Variants in PTPRO observed in about 807,000 individuals in gnomAD.
PTPRO encodes receptor-type tyrosine-protein phosphatase O.
PTPRO carries 62 observed loss-of-function variants against 145.2 expected under a neutral mutation model. The ratio of observed to expected loss-of-function variants is 0.43; its 90% CI spans 0.35 to 0.53. The LOEUF (loss-of-function observed/expected upper bound fraction) is 0.53, where lower values mean the gene tolerates loss of function less well. Among genes scored for constraint, PTPRO ranks in the 20% least tolerant of loss-of-function variants. The probability of loss-of-function intolerance (pLI) is 0.01; values close to 1 mark genes in which losing one functional copy is unlikely to be tolerated. For synonymous variants in PTPRO, 565 were observed against 514.7 expected (o/e 1.10, Z -1.32); for missense variants, 1,345 against 1,482.7 (o/e 0.91, Z 1.53).
chr12:15,546,756 T>A (rs1315449100), intron 13 of PTPRO, 48 bp downstream of exon 13: 1 of 1,605,234 alleles, frequency 6.2e-7, no homozygotes, highest in South Asian at 1.1e-5. Flanking sequence ...TAAGTAAGGC[T>A]AATTATCTGG....
chr12:15,441,993 A>G (rs1258422286), intron 1 of PTPRO, among the ~76,000 whole-genome samples: 1 of 152,174 alleles, frequency 6.6e-6, no homozygotes, highest in Non-Finnish European at 1.5e-5. Context: ...CTTCTAACAC[A>G]TTCTACAAAG....
At chr12:15,460,511 T>C (rs552274004) in intron 1 of PTPRO, among the ~76,000 whole-genome samples, 1 of 152,342 alleles carries the variant, frequency 6.6e-6, no homozygotes, top group African/African-American at 2.4e-5. Flanking sequence ...AAGAGAGTCT[T>C]CATTGCCTGT....
chr12:15,472,519 T>G (rs565372258), intron 1 of PTPRO, among the ~76,000 whole-genome samples: 10 of 152,286 alleles, frequency 6.6e-5, no homozygotes, highest in Non-Finnish European at 1.2e-4. Context: ...CTCTTCCCGC[T>G]TAACAAGTGC....
At chr12:15,435,808 ACTC>A (rs1940579965) in intron 1 of PTPRO, among the ~76,000 whole-genome samples, 1 of 151,986 alleles carries the variant, frequency 6.6e-6, no homozygotes, top group Admixed American at 6.6e-5. Flanking sequence ...ACTAACACAT[ACTC>A]CTCCAAATTT....
intron 12 of PTPRO, 31 bp from the exon 13 acceptor site, chr12:15,546,538 A>T: frequency 6.4e-7 from 1 of 1,554,846 alleles, no homozygotes; most frequent in East Asian, 2.4e-5. Flanking sequence ...TTAGTAAATT[A>T]AATTTTTTTT....
intron 23 of PTPRO, among the ~76,000 whole-genome samples, chr12:15,584,216 G>T (rs1442360608): frequency 6.6e-6 from 1 of 152,192 alleles, no homozygotes; most frequent in Non-Finnish European, 1.5e-5. Context: ...ATCAGTGAAT[G>T]AATGAGTTAT....
chr12:15,484,602 A>G (rs11056520), intron 2 of PTPRO, among the ~76,000 whole-genome samples: 79,712 of 151,974 alleles, frequency 0.52, 22,105 homozygotes, highest in Middle Eastern at 0.67. Flanking sequence ...GTATTCTCAT[A>G]TTAAGCAATT....
intron 2 of PTPRO, among the ~76,000 whole-genome samples, chr12:15,490,472 T>A (rs896153110): frequency 6.6e-6 from 1 of 152,216 alleles, no homozygotes; most frequent in Non-Finnish European, 1.5e-5. Flanking sequence ...TTTATTTTTT[T>A]ATACAATTTT....
At chr12:15,369,642 T>C (rs1021982805) in intron 1 of PTPRO, among the ~76,000 whole-genome samples, 1 of 152,226 alleles carries the variant, frequency 6.6e-6, no homozygotes, top group African/African-American at 2.4e-5. Context: ...AAGCTTTTTA[T>C]GGAACTAAAA....
At chr12:15,388,923 G>T (rs1307156098) in intron 1 of PTPRO, among the ~76,000 whole-genome samples, 1 of 146,328 alleles carries the variant, frequency 6.8e-6, no homozygotes, top group African/African-American at 2.5e-5. Flanking sequence ...CTCCATTCTA[G>T]AAAAAAAAAA....
chr12:15,513,127 G>A (rs1444173257), intron 7 of PTPRO, among the ~76,000 whole-genome samples: 7 of 35,256 alleles, frequency 2.0e-4, no homozygotes, highest in East Asian at 1.9e-3. Context: ...AAGGAAGGAA[G>A]GAAGGAAGGA....
At chr12:15,424,020 C>T (rs1940216896) in intron 1 of PTPRO, among the ~76,000 whole-genome samples, 1 of 152,314 alleles carries the variant, frequency 6.6e-6, no homozygotes, top group East Asian at 1.9e-4. Flanking sequence ...GCTAATAGGA[C>T]AAGCAGCCTG....
At chr12:15,325,642 G>A (rs1036915302) in intron 1 of PTPRO, among the ~76,000 whole-genome samples, 12 of 152,178 alleles carry the variant, frequency 7.9e-5, no homozygotes, top group Admixed American at 3.9e-4. Flanking sequence ...TTTATCTGGC[G>A]AGCCTCGCTG....
At chr12:15,384,093 G>A (rs1457516976) in intron 1 of PTPRO, among the ~76,000 whole-genome samples, 1 of 152,106 alleles carries the variant, frequency 6.6e-6, no homozygotes, top group Non-Finnish European at 1.5e-5. Context: ...CAAAAGATAG[G>A]AGAGTATAAT....
chr12:15,517,020 A>G, intron 9 of PTPRO, 64 bp downstream of exon 9: 1 of 1,375,334 alleles, frequency 7.3e-7, no homozygotes, highest in Non-Finnish European at 1.0e-6. Flanking sequence ...TATGTACCAA[A>G]TGTGTCTTTA....
intron 1 of PTPRO, among the ~76,000 whole-genome samples, chr12:15,398,505 G>A (rs924120427): frequency 1.3e-5 from 2 of 149,762 alleles, no homozygotes; most frequent in East Asian, 1.9e-4. Context: ...ACAACTCTCC[G>A]AATCTTGGCT....
At chr12:15,585,758 G>T (rs1198112356) in intron 23 of PTPRO, among the ~76,000 whole-genome samples, 1 of 152,130 alleles carries the variant, frequency 6.6e-6, no homozygotes, top group Non-Finnish European at 1.5e-5. Context: ...ACTGAGGGAT[G>T]AATCAGACCT....
intron 1 of PTPRO, chr12:15,440,094 T>C: frequency 3.2e-6 from 2 of 633,098 alleles, no homozygotes; most frequent in Middle Eastern, 4.2e-4. Flanking sequence ...TGCAGCTCTG[T>C]GCTGGTGCAC....
chr12:15,513,016 GAGA>G (rs1251520190), intron 7 of PTPRO, among the ~76,000 whole-genome samples: 1 of 145,782 alleles, frequency 6.9e-6, no homozygotes, highest in African/African-American at 2.6e-5. Context: ...AGAAAGAAAA[GAGA>G]AGAAAGAAAG....
Sources: allele counts gnomAD v4.1 joint callset (sites outside exome capture counted in the v4.1 genomes callset), GRCh38; gene constraint gnomAD v4.1.1; transcripts MANE v1.5; gene names NCBI Gene and HGNC (gene_info 2026-07-23, HGNC 2026-07-21).